Variants in XKR5 observed in about 807,000 individuals in gnomAD.
XKR5 encodes the protein XK-related protein 5.
In XKR5, 46 loss-of-function variants were observed where a neutral mutation model predicts 40.8. The ratio of observed to expected loss-of-function variants is 1.13; its 90% CI spans 0.89 to 1.44. The LOEUF is 1.44. XKR5 is among the 40% of genes most tolerant of loss of function. The probability of loss-of-function intolerance (pLI) is 0.00; values close to 1 mark genes in which losing one functional copy is unlikely to be tolerated. For synonymous variants in XKR5, 466 were observed against 356.1 expected, an observed-to-expected ratio of 1.31 and a Z score of -3.48; for missense variants, 1,169 against 844.7, an observed-to-expected ratio of 1.38 and a Z score of -4.76.
At position 6,822,039 on chromosome 8, in the gene XKR5, C is replaced by T. The variant is rs752734522; in HGVS notation, c.638-1G>A. The T allele has an allele frequency of 6.2e-7, 1 of 1,602,870 alleles. No individual in the cohort carries two copies. The highest frequency in any genetic ancestry group is 1.7e-5 in the Admixed American group (1 of 58,540). On this transcript the variant is annotated splice_acceptor_variant, in intron 4 of 6. Coordinates refer to ENST00000618742, the MANE Select transcript of XKR5 (RefSeq NM_207411.5). LOFTEE classifies it high-confidence loss of function. ...AATGTCATCACCAGCCAGTGGGCAC[C>T]TGCAGAGAAGCCGGGTGCAGACGTC...
At chr8:6,821,337 G>A (rs888387118) in intron 5 of XKR5, among the ~76,000 whole-genome samples, 7 of 152,216 alleles carry the variant, frequency 4.6e-5, no homozygotes, top group African/African-American at 1.7e-4. Context: ...TTTCTCTCCT[G>A]GCATCTAGCT....
intron 3 of XKR5, 120 bp downstream of exon 3, chr8:6,825,045 A>G: frequency 1.7e-6 from 2 of 1,180,796 alleles, no homozygotes; most frequent in East Asian, 2.6e-5. Context: ...AGTGAGCTCA[A>G]GGTGCCCTAA....
At chr8:6,833,184 A>G (rs1804850486) in intron 1 of XKR5, among the ~76,000 whole-genome samples, 1 of 152,144 alleles carries the variant, frequency 6.6e-6, no homozygotes, top group Admixed American at 6.5e-5. Flanking sequence ...TGCCTTAATC[A>G]TCCCAGGGCC....
intron 6 of XKR5, among the ~76,000 whole-genome samples, chr8:6,814,898 TCA>T (rs1803890187): frequency 6.6e-6 from 1 of 152,102 alleles, no homozygotes; most frequent in South Asian, 2.1e-4. Flanking sequence ...TCCAGGCCAC[TCA>T]CACAGGCCAC....
intron 2 of XKR5, among the ~76,000 whole-genome samples, chr8:6,827,113 C>T (rs1169345890): frequency 6.6e-6 from 1 of 152,130 alleles, no homozygotes; most frequent in Non-Finnish European, 1.5e-5. Context: ...ACCACGAAGC[C>T]ACTCCCCACC....
chr8:6,809,481 G>A lies in XKR5; in HGVS notation c.*1717C>T, dbSNP rs1408560835. 6.6e-6 allele frequency: 1 copy of A among 152,042 alleles called. No individual in the cohort carries two copies. The highest frequency in any genetic ancestry group is 1.9e-4 in the East Asian group (1 of 5,162). 9.4% of individuals were successfully genotyped at this position (152,042 alleles called of 1,614,324 possible). A position where few individuals can be genotyped will look rare whatever the true frequency, so the allele number is the denominator to read the frequency against. Reference sequence around the variant, plus strand: ...TTTATGTATTTTTAGTAGTGATGGGGTCTCACTACATTGCCCAGGCTGGTC... The same window carrying A: ...TTTATGTATTTTTAGTAGTGATGGGATCTCACTACATTGCCCAGGCTGGTC... On this transcript the variant is annotated 3_prime_UTR_variant, in exon 7 of 7. Transcript: ENST00000618742.
At chr8:6,830,543 AC>A (rs1329211526) in intron 2 of XKR5, among the ~76,000 whole-genome samples, 2 of 152,100 alleles carry the variant, frequency 1.3e-5, no homozygotes, top group Admixed American at 6.5e-5. Flanking sequence ...CCAAATTGTG[AC>A]CCGCTTCCGA....
At chr8:6,817,448 C>T (rs1804014094) in intron 5 of XKR5, among the ~76,000 whole-genome samples, 1 of 152,150 alleles carries the variant, frequency 6.6e-6, no homozygotes, top group African/African-American at 2.4e-5. Flanking sequence ...TTCCATGAGT[C>T]TTCAACCCTG....
At chr8:6,826,634 G>T (rs1563359582) in intron 2 of XKR5, among the ~76,000 whole-genome samples, 1 of 152,170 alleles carries the variant, frequency 6.6e-6, no homozygotes, top group Non-Finnish European at 1.5e-5. Context: ...AATTTCTTCA[G>T]CAGTGAGGAA....
intron 4 of XKR5, 58 bp downstream of exon 4, chr8:6,823,463 C>T: frequency 6.6e-7 from 1 of 1,525,514 alleles, no homozygotes; most frequent in South Asian, 1.2e-5. Context: ...TTGAGACCTT[C>T]ATTTCTGGGT....
At chr8:6,824,938 G>A (rs947835860) in intron 3 of XKR5, among the ~76,000 whole-genome samples, 39 of 152,280 alleles carry the variant, frequency 2.6e-4, no homozygotes, top group African/African-American at 9.4e-4. Context: ...TCTATCTTAT[G>A]GGCTGACTTT....
chr8:6,821,778 GCACACA>G, intron 5 of XKR5, 85 bp downstream of exon 5: 1 of 1,131,402 alleles, frequency 8.8e-7, no homozygotes, highest in Non-Finnish European at 1.2e-6. Context: ...GTGCATTGGT[GCACACA>G]CACACACACC....
At chr8:6,834,944 C>A (rs1804943764) in intron 1 of XKR5, among the ~76,000 whole-genome samples, 1 of 152,184 alleles carries the variant, frequency 6.6e-6, no homozygotes, top group South Asian at 2.1e-4. Context: ...TGTCCCCCTC[C>A]CCCCGCCACC....
intron 4 of XKR5, 61 bp downstream of exon 4, chr8:6,823,460 C>G (rs1012081903): frequency 1.3e-6 from 2 of 1,519,890 alleles, no homozygotes; most frequent in African/African-American, 2.8e-5. Context: ...TTCTTGAGAC[C>G]TTCATTTCTG....
chr8:6,818,589 C>T (rs921966821), intron 5 of XKR5, among the ~76,000 whole-genome samples: 16 of 152,254 alleles, frequency 1.1e-4, no homozygotes, highest in Admixed American at 7.2e-4. Context: ...CGCCTCTGAG[C>T]AGGAGGTGAG....
chr8:6,829,319 G>A (rs1804656088), intron 2 of XKR5: 1 of 169,168 alleles, frequency 5.9e-6, no homozygotes, highest in Non-Finnish European at 1.5e-5. Context: ...TAAAAAGAAA[G>A]ATGAAAAAGA....
Position 6,822,037 on chromosome 8 carries a change from A to C in XKR5, c.639T>G (p.Gly213=). Reference sequence around the variant, plus strand: ...AGAATGTCATCACCAGCCAGTGGGCACCTGCAGAGAAGCCGGGTGCAGACG... The same window carrying C: ...AGAATGTCATCACCAGCCAGTGGGCCCCTGCAGAGAAGCCGGGTGCAGACG... ...AYHFWVFVVA[G]AHWLVMTFWL... The change falls in exon 5 of 7, where the codon GGT becomes GGG. Residue 213 remains glycine, a splice_region_variant and synonymous_variant. Coordinates refer to ENST00000618742, the MANE Select transcript of XKR5 (RefSeq NM_207411.5). The C allele has an allele frequency of 1.2e-6, 2 of 1,603,138 alleles. No individual in the cohort carries two copies. Among genetic ancestry groups the C allele is most frequent in the Non-Finnish European group, 1.7e-6 (2 of 1,174,652 alleles).
At chr8:6,825,419 T>G in intron 2 of XKR5, 70 bp from the exon 3 acceptor site, 1 of 1,408,862 alleles carries the variant, frequency 7.1e-7, no homozygotes, top group Non-Finnish European at 9.4e-7. Flanking sequence ...GAGCTTTCAT[T>G]TAGAGACATA....
rs1461096194 is a variant in XKR5 at position 6,811,719 on chromosome 8, C to G, written c.1540G>C (p.Glu514Gln). The G allele has an allele frequency of 6.5e-7, 1 of 1,537,656 alleles. No individual in the cohort carries two copies. Among genetic ancestry groups the G allele is most frequent in the Admixed American group, 2.0e-5 (1 of 51,008 alleles). Residue 514 changes from glutamate to glutamine, a missense_variant, in exon 7 of 7, where the codon GAA becomes CAA. Transcript: ENST00000618742. ...AATQGEGTPK[E>Q]GADAVSGTQG... The stretch of plus-strand genomic sequence containing the variant: ...GTCCCAGAAACAGCGTCAGCTCCTT[C>G]CTTTGGGGTGCCCTCCCCCTGCGTG...
Sources: gnomAD v4.1 joint callset for allele counts (sites outside exome capture counted in the v4.1 genomes callset) on GRCh38, gnomAD v4.1.1 for gene constraint, MANE v1.5 for transcripts, NCBI Gene and HGNC (gene_info 2026-07-23, HGNC 2026-07-21) for gene names.